Variants in APBB1IP observed in about 807,000 individuals in gnomAD.
The protein encoded by APBB1IP is amyloid beta A4 precursor protein-binding family B member 1-interacting protein.
Under a neutral mutation model 64.9 loss-of-function variants are expected in APBB1IP, and 27 were observed. The observed-to-expected ratio is 0.42, with a 90% confidence interval of 0.31 to 0.57. APBB1IP has a LOEUF of 0.57. Among genes scored for constraint, APBB1IP ranks in the 20% least tolerant of loss-of-function variants. The pLI is 0.20. For missense variants in APBB1IP, 812 were observed against 845.5 expected, an observed-to-expected ratio of 0.96 and a Z score of 0.49; for synonymous variants, 392 against 331.0, an observed-to-expected ratio of 1.18 and a Z score of -2.00.
intron 2 of APBB1IP, among the ~76,000 whole-genome samples, chr10:26,480,616 G>C (rs946230483): frequency 7.1e-6 from 1 of 141,746 alleles, no homozygotes; most frequent in Non-Finnish European, 1.5e-5. Flanking sequence ...TGGTTGAGCT[G>C]CTTCTTTTTT....
At chr10:26,466,660 G>A (rs1398164969) in intron 2 of APBB1IP, among the ~76,000 whole-genome samples, 2 of 152,170 alleles carry the variant, frequency 1.3e-5, no homozygotes, top group South Asian at 4.1e-4. Flanking sequence ...GATTAGCCAG[G>A]CATGGTGGTA....
intron 8 of APBB1IP, among the ~76,000 whole-genome samples, chr10:26,529,061 GT>G (rs1278230623): frequency 6.6e-6 from 1 of 152,206 alleles, no homozygotes; most frequent in Non-Finnish European, 1.5e-5. Context: ...AGTATTTGCT[GT>G]TTCTTTCCTA....
intron 11 of APBB1IP, among the ~76,000 whole-genome samples, chr10:26,554,509 GTCTGTT>G (rs1332774026): frequency 6.6e-6 from 1 of 152,180 alleles, no homozygotes; most frequent in Non-Finnish European, 1.5e-5. Flanking sequence ...CTTTGTCTGT[GTCTGTT>G]TCTTCTCTTC....
chr10:26,507,273 G>A (rs947639888), intron 6 of APBB1IP, among the ~76,000 whole-genome samples: 10 of 152,090 alleles, frequency 6.6e-5, no homozygotes, highest in Admixed American at 2.6e-4. Context: ...CAGGAGGATC[G>A]CCTGAGGTCA....
chr10:26,501,088 C>A lies in APBB1IP; in HGVS notation c.430C>A (p.Pro144Thr). 6.2e-7 allele frequency: 1 copy of A among 1,614,200 alleles called. No individual in the cohort carries two copies. The highest frequency in any genetic ancestry group is 8.5e-7 in the Non-Finnish European group (1 of 1,180,020). ...DPVLDLPLPP[P>T]PPEPLSQEEE... Reference sequence around the variant, plus strand: ...TGTGTTAGACCTTCCACTGCCACCACCACCTCCTGAACCTCTCTCTCAGGT... The same window carrying A: ...TGTGTTAGACCTTCCACTGCCACCAACACCTCCTGAACCTCTCTCTCAGGT... Residue 144 changes from proline to threonine, a missense_variant, in exon 5 of 15, where the codon CCA (proline) becomes ACA (threonine). Transcript: ENST00000376236.
At chr10:26,526,287 G>T (rs1338773896) in intron 8 of APBB1IP, among the ~76,000 whole-genome samples, 1 of 152,220 alleles carries the variant, frequency 6.6e-6, no homozygotes, top group African/African-American at 2.4e-5. Flanking sequence ...CTTACATAAG[G>T]TAAAGTCAGT....
At chr10:26,514,061 A>G (rs947877676) in intron 8 of APBB1IP, among the ~76,000 whole-genome samples, 1 of 152,162 alleles carries the variant, frequency 6.6e-6, no homozygotes, top group African/African-American at 2.4e-5. Flanking sequence ...TCACCTGTAT[A>G]CTAACCACAC....
chr10:26,472,387 G>T (rs1564354227), intron 2 of APBB1IP, among the ~76,000 whole-genome samples: 2 of 152,182 alleles, frequency 1.3e-5, no homozygotes, highest in Non-Finnish European at 2.9e-5. Context: ...GCTATGGTCT[G>T]TATGGACCCA....
At position 26,482,437 on chromosome 10, in the gene APBB1IP, A is replaced by G. The variant is rs118156109; in HGVS notation, c.1-9890A>G. ...CGCTTTCATTGCATTTTGAAAAAATACAACACTGAAGGAATCAGGTAAAAT... is the reference window on the plus strand; with the variant it reads ...CGCTTTCATTGCATTTTGAAAAAATGCAACACTGAAGGAATCAGGTAAAAT... On this transcript the variant is annotated intron_variant, in intron 2 of 14. Coordinates refer to ENST00000376236, the MANE Select transcript of APBB1IP (RefSeq NM_019043.4). 3.3e-5 allele frequency among the ~76,000 whole-genome samples: 5 copies of G among 152,332 alleles called. No individual in the cohort carries two copies. In the East Asian group the frequency reaches 7.7e-4, roughly 23 times the overall value.
At chr10:26,465,387 C>A (rs1835636723) in intron 2 of APBB1IP, among the ~76,000 whole-genome samples, 1 of 152,070 alleles carries the variant, frequency 6.6e-6, no homozygotes, top group South Asian at 2.1e-4. Flanking sequence ...TTCAAGGACA[C>A]AAATTTCTAT....
intron 11 of APBB1IP, among the ~76,000 whole-genome samples, chr10:26,547,643 C>T (rs61603511): frequency 0.034 from 5,195 of 152,200 alleles, 303 homozygotes; most frequent in African/African-American, 0.12. Context: ...TGGGGTTTCA[C>T]CATGTTAGCC....
At chr10:26,452,638 T>C (rs1835477601) in intron 2 of APBB1IP, among the ~76,000 whole-genome samples, 1 of 152,238 alleles carries the variant, frequency 6.6e-6, no homozygotes, top group African/African-American at 2.4e-5. Flanking sequence ...GTCTGACCTG[T>C]AGTAGTTGCT....
chr10:26,563,482 T>G (rs762788788), intron 14 of APBB1IP, among the ~76,000 whole-genome samples: 1 of 152,186 alleles, frequency 6.6e-6, no homozygotes, highest in Non-Finnish European at 1.5e-5. Context: ...ATAGCCAAAT[T>G]GGTATAATTC....
chr10:26,496,253 C>T, intron 3 of APBB1IP, 51 bp from the exon 4 acceptor site: 2 of 1,385,964 alleles, frequency 1.4e-6, no homozygotes, highest in Non-Finnish European at 2.0e-6. Context: ...AAGTGTGCTA[C>T]AGAAATGTTT....
At chr10:26,535,961 G>T in intron 9 of APBB1IP, 113 bp from the exon 10 acceptor site, 1 of 1,107,062 alleles carries the variant, frequency 9.0e-7, no homozygotes, top group Admixed American at 2.5e-5. Flanking sequence ...GATCAGAGTT[G>T]TACACAAAAT....
intron 8 of APBB1IP, among the ~76,000 whole-genome samples, chr10:26,513,922 G>C (rs542687520): frequency 2.0e-5 from 3 of 152,296 alleles, no homozygotes; most frequent in South Asian, 2.1e-4. Context: ...TTTTAGTAGA[G>C]ACAGGGTTTC....
At chr10:26,493,708 C>T (rs1001043162) in intron 3 of APBB1IP, among the ~76,000 whole-genome samples, 4 of 152,224 alleles carry the variant, frequency 2.6e-5, no homozygotes, top group African/African-American at 9.6e-5. Flanking sequence ...ACATCAAGCT[C>T]ATAGTATCCA....
chr10:26,509,131 C>G (rs138787015), intron 6 of APBB1IP, among the ~76,000 whole-genome samples: 1 of 152,202 alleles, frequency 6.6e-6, no homozygotes, highest in African/African-American at 2.4e-5. Flanking sequence ...TGAAGAATTT[C>G]TCTATTTCCA....
intron 5 of APBB1IP, chr10:26,502,016 T>C (rs914620473): frequency 1.3e-5 from 2 of 152,240 alleles, no homozygotes; most frequent in Admixed American, 6.5e-5. Context: ...ACTCTTAATG[T>C]ATGGTCCATG....
Sources: gnomAD v4.1 joint callset for allele counts (sites outside exome capture counted in the v4.1 genomes callset) on GRCh38, gnomAD v4.1.1 for gene constraint, MANE v1.5 for transcripts, NCBI Gene and HGNC (gene_info 2026-07-23, HGNC 2026-07-21) for gene names.